SLC27A6: variants seen among roughly 807,000 people sequenced by gnomAD.
The protein encoded by SLC27A6 is long-chain fatty acid transport protein 6.
In SLC27A6, 74 loss-of-function variants were observed where a neutral mutation model predicts 63.9. That is an observed-to-expected ratio of 1.16 (90% CI 0.96 to 1.40). The LOEUF is 1.40. Among genes scored for constraint, SLC27A6 ranks in the 40% most tolerant of loss-of-function variants. The pLI is 0.00. For missense variants in SLC27A6, 794 were observed against 732.9 expected (o/e 1.08, Z -0.96); for synonymous variants, 287 against 260.8 (o/e 1.10, Z -0.97).
chr5:128,983,290 T>A (rs990777980), intron 1 of SLC27A6, among the ~76,000 whole-genome samples: 1 of 15,426 alleles, frequency 6.5e-5, no homozygotes, highest in South Asian at 1.5e-3. Context: ...CTGATCCGGG[T>A]TTTTTTTTTT....
intron 4 of SLC27A6, among the ~76,000 whole-genome samples, chr5:128,996,894 G>T (rs1193097208): frequency 3.9e-5 from 6 of 152,090 alleles, no homozygotes; most frequent in African/African-American, 1.4e-4. Flanking sequence ...GTTACTTTTT[G>T]AATGGGACCA....
chr5:129,013,330 G>A (rs990490985), intron 4 of SLC27A6, among the ~76,000 whole-genome samples: 9 of 151,858 alleles, frequency 5.9e-5, no homozygotes, highest in Admixed American at 2.0e-4. Context: ...TGTTCCATCT[G>A]TACCGTTCTA....
At chr5:128,996,404 G>A (rs570561665) in intron 4 of SLC27A6, among the ~76,000 whole-genome samples, 1 of 152,238 alleles carries the variant, frequency 6.6e-6, no homozygotes, top group African/African-American at 2.4e-5. Context: ...TTTTGGTAAA[G>A]AATATTGAAA....
At chr5:129,018,200 C>A (rs961965944) in intron 5 of SLC27A6, among the ~76,000 whole-genome samples, 1 of 152,058 alleles carries the variant, frequency 6.6e-6, no homozygotes, top group Non-Finnish European at 1.5e-5. Flanking sequence ...TCCCATAATG[C>A]GAACTTTGGT....
chr5:128,988,093 T>C (rs908399456), intron 2 of SLC27A6, among the ~76,000 whole-genome samples: 1 of 152,176 alleles, frequency 6.6e-6, no homozygotes, highest in Non-Finnish European at 1.5e-5. Flanking sequence ...AGACTGATAA[T>C]TGCTCAATAT....
At chr5:128,977,306 A>G (rs1451575887) in intron 1 of SLC27A6, among the ~76,000 whole-genome samples, 3 of 152,204 alleles carry the variant, frequency 2.0e-5, no homozygotes, top group African/African-American at 7.2e-5. Context: ...TTCTTGAACT[A>G]TTCCTTGAGG....
Position 129,022,023 on chromosome 5 carries a change from A to C in SLC27A6, c.1165-1597A>C, listed in dbSNP as rs967704230. Among the ~76,000 whole-genome samples the C allele has an allele frequency of 2.0e-5, 3 of 152,334 alleles. No homozygotes were observed. In the South Asian group the frequency reaches 6.2e-4, roughly 32 times the overall value. ...GGAGAGAAAAGAATAAGTAATGAAC[A>C]GGGCTCTGTTTTTGTTTGGCCAAGA... On this transcript the variant is annotated intron_variant, in intron 5 of 9. Coordinates refer to ENST00000262462, the MANE Select transcript of SLC27A6 (RefSeq NM_001017372.3).
intron 2 of SLC27A6, among the ~76,000 whole-genome samples, chr5:128,987,553 A>G (rs914277108): frequency 2.6e-5 from 4 of 152,172 alleles, no homozygotes; most frequent in African/African-American, 4.8e-5. Flanking sequence ...AGAAATTTTC[A>G]AAAAATTATT....
chr5:128,966,589 G>C lies in SLC27A6; in HGVS notation c.452G>C (p.Cys151Ser). 6.5e-7 allele frequency: 1 copy of C among 1,542,162 alleles called. No homozygotes were observed. Among genetic ancestry groups the C allele is most frequent in the Non-Finnish European group, 8.7e-7 (1 of 1,152,338 alleles). Residue 151 changes from cysteine to serine, a missense_variant, in exon 1 of 10, where the codon TGT (cysteine) becomes TCT (serine). Coordinates refer to ENST00000262462, the MANE Select transcript of SLC27A6 (RefSeq NM_001017372.3). ...SNSLLNCIRA[C>S]GPRALVVGAD... Reference sequence around the variant, plus strand: ...TCCCTCCTGAATTGCATCCGCGCCTGTGGGCCCAGAGCCCTAGTGGTGGGC... The same window carrying C: ...TCCCTCCTGAATTGCATCCGCGCCTCTGGGCCCAGAGCCCTAGTGGTGGGC...
At chr5:128,984,971 A>T (rs1297768956) in intron 1 of SLC27A6, among the ~76,000 whole-genome samples, 162 bp from the exon 2 acceptor site, 1 of 152,220 alleles carries the variant, frequency 6.6e-6, no homozygotes, top group Non-Finnish European at 1.5e-5. Context: ...GGTCCTGTTG[A>T]AACGGAACCA....
chr5:129,022,919 A>C (rs1752122301), intron 5 of SLC27A6, among the ~76,000 whole-genome samples: 1 of 152,074 alleles, frequency 6.6e-6, no homozygotes, highest in Non-Finnish European at 1.5e-5. Context: ...AGCCTGCATG[A>C]TGTGATAATA....
intron 4 of SLC27A6, among the ~76,000 whole-genome samples, chr5:129,004,500 G>T (rs1271030593): frequency 6.6e-6 from 1 of 152,122 alleles, no homozygotes. Flanking sequence ...TTTCACTTGT[G>T]TGAGTGTGTA....
At chr5:128,978,825 T>C (rs1236801812) in intron 1 of SLC27A6, among the ~76,000 whole-genome samples, 1 of 152,170 alleles carries the variant, frequency 6.6e-6, no homozygotes, top group Non-Finnish European at 1.5e-5. Flanking sequence ...GCATACATGA[T>C]GATGGTCCCA....
At chr5:129,008,461 C>T (rs1229612046) in intron 4 of SLC27A6, among the ~76,000 whole-genome samples, 3 of 152,168 alleles carry the variant, frequency 2.0e-5, no homozygotes, top group South Asian at 2.1e-4. Flanking sequence ...AATGCCAAGG[C>T]ATCTTATAAA....
intron 4 of SLC27A6, among the ~76,000 whole-genome samples, chr5:129,002,222 T>C (rs775186791): frequency 6.6e-6 from 1 of 152,256 alleles, no homozygotes; most frequent in Non-Finnish European, 1.5e-5. Context: ...CATGTTTGAA[T>C]GTGGCTTACT....
chr5:128,997,370 A>G (rs1335348785), intron 4 of SLC27A6, among the ~76,000 whole-genome samples: 2 of 152,310 alleles, frequency 1.3e-5, no homozygotes, highest in East Asian at 3.9e-4. Context: ...TTTTCCTTAA[A>G]TAAGTCAAAG....
intron 1 of SLC27A6, among the ~76,000 whole-genome samples, chr5:128,983,207 C>A (rs538577318): frequency 6.6e-6 from 1 of 150,920 alleles, no homozygotes; most frequent in African/African-American, 2.4e-5. Flanking sequence ...AAAATTTTTC[C>A]TGAAAAAATT....
chr5:128,970,352 A>T (rs972640500), intron 1 of SLC27A6, among the ~76,000 whole-genome samples: 1 of 152,068 alleles, frequency 6.6e-6, no homozygotes, highest in Non-Finnish European at 1.5e-5. Context: ...TCCTGTTTGT[A>T]CCTCTGGTAG....
chr5:128,970,761 A>G (rs1354924453), intron 1 of SLC27A6, among the ~76,000 whole-genome samples: 1 of 150,012 alleles, frequency 6.7e-6, no homozygotes, highest in Non-Finnish European at 1.5e-5. Context: ...TATCTCCTTC[A>G]GTTCTGCTCT....
Sources: gnomAD v4.1 joint callset for allele counts (sites outside exome capture counted in the v4.1 genomes callset) on GRCh38, gnomAD v4.1.1 for gene constraint, MANE v1.5 for transcripts, NCBI Gene and HGNC (gene_info 2026-07-23, HGNC 2026-07-21) for gene names.